The following TENM2 variants were observed in gnomAD, a reference collection of about 807,000 sequenced individuals.
TENM2 encodes the protein teneurin transmembrane protein 2.
In TENM2, 52 loss-of-function variants were observed where a neutral mutation model predicts 245.2. The ratio of observed to expected loss-of-function variants is 0.21; its 90% CI spans 0.17 to 0.27. The LOEUF (loss-of-function observed/expected upper bound fraction) is 0.27. TENM2 is among the 10% of genes least tolerant of loss of function. The pLI, the probability that TENM2 is intolerant of heterozygous loss-of-function variation, is 1.00. For synonymous variants in TENM2, 1,363 were observed against 1,438.9 expected (o/e 0.95, Z 1.19); for missense variants, 3,046 against 3,666.8 (o/e 0.83, Z 4.37).
chr5:167,907,716 A>C (rs912311812), intron 3 of TENM2, among the ~76,000 whole-genome samples: 22 of 150,594 alleles, frequency 1.5e-4, no homozygotes, highest in Non-Finnish European at 2.4e-4. Context: ...CTGCCTGGGA[A>C]ACATAGTGAG....
rs143740033 is a variant in TENM2, at chr5:167,819,927, T to G, written c.503-56059T>G. 4.3e-3 allele frequency among the ~76,000 whole-genome samples: 653 copies of G among 152,244 alleles called. 10 individuals carry two copies. Among genetic ancestry groups the G allele is most frequent in the African/African-American group, 0.015 (614 of 41,546 alleles). On this transcript the variant is annotated intron_variant, in intron 2 of 28. Transcript: ENST00000518659. ...GAAGGTTAGTCATGTCACCAAATATTCCTTACTTCCCTTAACAGCCCATTC... is the reference window on the plus strand; with the variant it reads ...GAAGGTTAGTCATGTCACCAAATATGCCTTACTTCCCTTAACAGCCCATTC...
intron 6 of TENM2, among the ~76,000 whole-genome samples, chr5:168,052,252 G>T (rs571732402): frequency 6.6e-6 from 1 of 151,846 alleles, no homozygotes; most frequent in Non-Finnish European, 1.5e-5. Context: ...TTAGCCAGGC[G>T]GGGTGGTGGG....
At chr5:168,125,415 C>T (rs1007105367) in intron 11 of TENM2, among the ~76,000 whole-genome samples, 2 of 152,146 alleles carry the variant, frequency 1.3e-5, no homozygotes, top group African/African-American at 2.4e-5. Context: ...GGGGCTCCCT[C>T]GGGGTGCTGC....
intron 3 of TENM2, among the ~76,000 whole-genome samples, chr5:167,907,563 ATATATATATG>A (rs1268643917): frequency 3.3e-4 from 38 of 116,104 alleles, no homozygotes; most frequent in Non-Finnish European, 5.8e-4. Context: ...ATATATATAT[ATATATATATG>A]TATGTATTAT....
chr5:167,447,226 C>T (rs890487403), intron 2 of TENM2, among the ~76,000 whole-genome samples: 2 of 152,190 alleles, frequency 1.3e-5, no homozygotes, highest in South Asian at 4.1e-4. Flanking sequence ...ATAGCAAATC[C>T]CATTCTAAAG....
At chr5:167,984,289 A>G (rs1783065140) in intron 4 of TENM2, among the ~76,000 whole-genome samples, 1 of 152,230 alleles carries the variant, frequency 6.6e-6, no homozygotes, top group African/African-American at 2.4e-5. Flanking sequence ...GTAGAAAAAG[A>G]AGGCTGACTA....
chr5:167,181,703 G>A, the TENM2 span, among the ~76,000 whole-genome samples: 1 of 152,018 alleles, frequency 6.6e-6, no homozygotes, highest in African/African-American at 2.4e-5. Context: ...ATTTTACATG[G>A]CCAATTCTGT....
intron 1 of TENM2, among the ~76,000 whole-genome samples, chr5:167,361,279 A>C (rs746955960): frequency 6.6e-6 from 1 of 152,198 alleles, no homozygotes; most frequent in East Asian, 1.9e-4. Context: ...AACGAGTGTT[A>C]ATATTTTGTC....
the TENM2 span, among the ~76,000 whole-genome samples, chr5:166,997,567 T>C: frequency 6.6e-6 from 1 of 152,176 alleles, no homozygotes; most frequent in Non-Finnish European, 1.5e-5. Flanking sequence ...GGGTAGCTTC[T>C]TATGCTTAAC....
In TENM2 at chr5:167,944,124, T is replaced by A. The variant is rs1359357020; in HGVS notation, c.713-8464T>A. The stretch of plus-strand genomic sequence containing the variant: ...AATGATGTGGCACCTACGATTAAAA[T>A]CCCTTTCTGACCCTTCATGTGTGAG... On this transcript the variant is annotated intron_variant, in intron 3 of 28. Transcript: ENST00000518659. Among the ~76,000 whole-genome samples the A allele has an allele frequency of 2.0e-5, 3 of 152,180 alleles. No individual in the cohort carries two copies. The East Asian group carries it at 5.8e-4, about 29-fold the overall frequency.
chr5:167,585,961 CA>C, intron 2 of TENM2, among the ~76,000 whole-genome samples: 1 of 151,990 alleles, frequency 6.6e-6, no homozygotes, highest in East Asian at 1.9e-4. Context: ...CGCATCTCTA[CA>C]AAAAATAAAG....
chr5:167,640,886 T>TATCC (rs1561629075), intron 2 of TENM2, among the ~76,000 whole-genome samples: 2 of 75,904 alleles, frequency 2.6e-5, no homozygotes, highest in East Asian at 4.4e-4. Context: ...TATATATATA[T>TATCC]ATATATATAT....
In TENM2 at chr5:168,079,723, G is replaced by T; in HGVS notation, c.1516-10851G>T. Among the ~76,000 whole-genome samples the T allele has an allele frequency of 1.3e-5, 2 of 152,160 alleles. 1 individual carries two copies. Among genetic ancestry groups the T allele is most frequent in the Non-Finnish European group, 2.9e-5 (2 of 68,038 alleles). ...TTGTCTTTGGTTCTGTTTATGTGAT[G>T]GATTGCATTTATTGATTTGCATATG... is the stretch of plus-strand genomic sequence containing the variant. On this transcript the variant is annotated intron_variant, in intron 7 of 28. Coordinates refer to ENST00000518659, the Ensembl canonical transcript of TENM2.
At chr5:167,040,526 A>C in the TENM2 span, among the ~76,000 whole-genome samples, 1 of 152,000 alleles carries the variant, frequency 6.6e-6, no homozygotes, top group African/African-American at 2.4e-5. Context: ...TTCCTGTGAG[A>C]TGACAAACTT....
At chr5:167,517,717 T>C (rs1770475654) in intron 2 of TENM2, among the ~76,000 whole-genome samples, 1 of 152,178 alleles carries the variant, frequency 6.6e-6, no homozygotes, top group Admixed American at 6.5e-5. Flanking sequence ...AACAAACCTA[T>C]AGTTTCTTCC....
rs550521506 is a variant in TENM2, at chr5:167,579,416, T to C, written c.502+203943T>C. 5.9e-5 allele frequency among the ~76,000 whole-genome samples: 9 copies of C among 152,330 alleles called. No homozygotes were observed. The South Asian group carries it at 1.5e-3, about 25-fold the overall frequency. On this transcript the variant is annotated intron_variant, in intron 2 of 28. Transcript: ENST00000518659. ...ACTGGAGATATGTGTCTTAGTATAA[T>C]AGGAATTTACAATCATATCATTATT... is the stretch of plus-strand genomic sequence containing the variant.
intron 4 of TENM2, among the ~76,000 whole-genome samples, chr5:167,968,390 T>G (rs910453286): frequency 5.9e-5 from 9 of 152,136 alleles, no homozygotes; most frequent in Non-Finnish European, 8.8e-5. Context: ...TTGCTGTCAT[T>G]TGTACTTAAG....
intron 2 of TENM2, among the ~76,000 whole-genome samples, chr5:167,836,634 G>T (rs910009338): frequency 1.3e-5 from 2 of 152,166 alleles, no homozygotes; most frequent in African/African-American, 2.4e-5. Flanking sequence ...GTTGCACTGG[G>T]ATAAGTGTGA....
intron 2 of TENM2, among the ~76,000 whole-genome samples, chr5:167,488,171 C>G (rs1283283297): frequency 6.6e-6 from 1 of 152,182 alleles, no homozygotes; most frequent in African/African-American, 2.4e-5. Context: ...TGGATCTTAA[C>G]TGTAAGCATA....
Sources: allele counts gnomAD v4.1 joint callset (sites outside exome capture counted in the v4.1 genomes callset), GRCh38; gene constraint gnomAD v4.1.1; transcripts MANE v1.5; gene names NCBI Gene and HGNC (gene_info 2026-07-23, HGNC 2026-07-21).